Variants in BPIFA2 observed in about 807,000 individuals in gnomAD.
BPIFA2 encodes BPI fold-containing family A member 2.
In BPIFA2, 20 loss-of-function variants were observed where a neutral mutation model predicts 25.7. The observed-to-expected ratio is 0.78, with a 90% CI of 0.55 to 1.13. The LOEUF is 1.13. BPIFA2 is among the 50% of genes most tolerant of loss of function. BPIFA2 has a pLI of 0.00. For missense variants in BPIFA2, 300 were observed against 298.1 expected, an observed-to-expected ratio of 1.01 and a Z score of -0.05; for synonymous variants, 126 against 124.3, an observed-to-expected ratio of 1.01 and a Z score of -0.09.
chr20:33,174,861 T>C (rs1984020727), intron 4 of BPIFA2, among the ~76,000 whole-genome samples: 1 of 152,138 alleles, frequency 6.6e-6, no homozygotes, highest in South Asian at 2.1e-4. Context: ...CAGTGAGCCG[T>C]GATTGCACCA....
intron 5 of BPIFA2, among the ~76,000 whole-genome samples, chr20:33,176,873 G>A (rs944275873): frequency 5.3e-5 from 8 of 152,100 alleles, no homozygotes; most frequent in African/African-American, 1.9e-4. Context: ...ACCTTTGCCT[G>A]GGGTGCTCTG....
In BPIFA2 at chr20:33,178,168, G is replaced by C; in HGVS notation, c.585G>C (p.Lys195Asn). ...LLDKHSQIIN[K>N]FVNSVINTLK... Reference sequence around the variant, plus strand: ...CCAGACACAGCCAAATCATCAACAAGTTCGTGAATAGCGTGATCAACACGC... The same window carrying C: ...CCAGACACAGCCAAATCATCAACAACTTCGTGAATAGCGTGATCAACACGC... Residue 195 changes from lysine to asparagine, a missense_variant, in exon 6 of 9, where the codon AAG (lysine) becomes AAC (asparagine). Lys to Asn is a moderately conservative substitution (Grantham distance 94). Coordinates refer to ENST00000354932, the MANE Select transcript of BPIFA2 (RefSeq NM_080574.4). 1 of 1,606,800 alleles carries C rather than the reference G, an allele frequency of 6.2e-7. No individual in the cohort carries two copies. The highest frequency in any genetic ancestry group is 2.2e-5 in the East Asian group (1 of 44,678).
At chr20:33,175,590 C>T (rs1363053080) in intron 5 of BPIFA2, 31 bp downstream of exon 5, 2 of 1,607,272 alleles carry the variant, frequency 1.2e-6, no homozygotes, top group East Asian at 2.2e-5. Context: ...TAGAGCTGGG[C>T]TCTCAGGGAA....
intron 2 of BPIFA2, among the ~76,000 whole-genome samples, chr20:33,170,422 TA>T (rs1983860599): frequency 1.3e-5 from 2 of 152,230 alleles, no homozygotes; most frequent in Non-Finnish European, 2.9e-5. Context: ...TGACATTTAT[TA>T]TTTTTTGAGA....
chr20:33,178,622 T>A (rs1984165754), intron 6 of BPIFA2, among the ~76,000 whole-genome samples: 2 of 152,182 alleles, frequency 1.3e-5, no homozygotes. Flanking sequence ...ATAAAATAGT[T>A]TTAATTTTTT....
At chr20:33,164,263 G>A (rs192696041), upstream of BPIFA2, among the ~76,000 whole-genome samples, 96 of 152,352 alleles carry the variant, frequency 6.3e-4, no homozygotes, top group Admixed American at 2.0e-3. Flanking sequence ...TAGCAGGGAG[G>A]ATCTGGAAGA....
chr20:33,177,050 C>A (rs1402355061), intron 5 of BPIFA2, among the ~76,000 whole-genome samples: 3 of 152,126 alleles, frequency 2.0e-5, no homozygotes, highest in African/African-American at 7.2e-5. Context: ...TTCTTTCATT[C>A]TTTCAGCCAA....
At position 33,177,759 on chromosome 20, in the gene BPIFA2, A is replaced by T. The variant is rs551593265; in HGVS notation, c.564-388A>T. 2.2e-4 allele frequency among the ~76,000 whole-genome samples: 34 copies of T among 152,194 alleles called. No homozygotes were observed. In the East Asian group the frequency reaches 6.0e-3, roughly 27 times the overall value. Reference sequence around the variant, plus strand: ...GGTGGGAGGAGCCAACTTTGGCAAGATTTGTTTAGGTACCACATCAGGGTA... The same window carrying T: ...GGTGGGAGGAGCCAACTTTGGCAAGTTTTGTTTAGGTACCACATCAGGGTA... On this transcript the variant is annotated intron_variant, in intron 5 of 8. Coordinates refer to ENST00000354932, the MANE Select transcript of BPIFA2 (RefSeq NM_080574.4).
At chr20:33,169,878 T>C (rs1475168838) in intron 2 of BPIFA2, among the ~76,000 whole-genome samples, 1 of 152,250 alleles carries the variant, frequency 6.6e-6, no homozygotes, top group African/African-American at 2.4e-5. Flanking sequence ...AAATTATCCC[T>C]ACCTAGCCTT....
At chr20:33,166,019 T>C (rs1391520486), upstream of BPIFA2, among the ~76,000 whole-genome samples, 1 of 152,050 alleles carries the variant, frequency 6.6e-6, no homozygotes, top group East Asian at 1.9e-4. Flanking sequence ...TTTATTTTAT[T>C]TTTGTTTGTT....
upstream of BPIFA2, among the ~76,000 whole-genome samples, chr20:33,167,901 G>A (rs1215734374): frequency 1.3e-5 from 2 of 152,330 alleles, no homozygotes; most frequent in Non-Finnish European, 1.5e-5. Flanking sequence ...CAAGGACCAA[G>A]GACCACCCCC....
chr20:33,167,090 C>A (rs1455701971), upstream of BPIFA2, among the ~76,000 whole-genome samples: 1 of 152,238 alleles, frequency 6.6e-6, no homozygotes, highest in Non-Finnish European at 1.5e-5. Context: ...AACAGTGGAG[C>A]CATGGTCAGT....
intron 2 of BPIFA2, among the ~76,000 whole-genome samples, chr20:33,169,674 C>T (rs972896562): frequency 6.6e-6 from 1 of 152,188 alleles, no homozygotes; most frequent in African/African-American, 2.4e-5. Context: ...TTCTGCCTGT[C>T]TCACAGATGA....
chr20:33,179,495 T>C (rs982280497), intron 6 of BPIFA2, 109 bp from the exon 7 acceptor site: 6 of 865,104 alleles, frequency 6.9e-6, no homozygotes, highest in Non-Finnish European at 1.2e-5. Flanking sequence ...CTAAGATCCC[T>C]AGAAATGAGC....
upstream of BPIFA2, among the ~76,000 whole-genome samples, chr20:33,167,358 G>A (rs1441418397): frequency 3.3e-5 from 5 of 152,276 alleles, no homozygotes; most frequent in East Asian, 7.7e-4. Context: ...AACATCAGTG[G>A]CCGAAGCAAA....
rs9679768 is a variant in BPIFA2, at chr20:33,179,544, A to C, written c.646-60A>C. The C allele has an allele frequency of 1.0e-3, 1,440 of 1,425,754 alleles. 16 individuals are homozygous for C. The African/African-American group carries it at 0.019, about 18-fold the overall frequency. The allele number at this position is 1,425,754 out of a possible 1,614,324, so 88.3% of individuals were successfully genotyped here. On this transcript the variant is annotated intron_variant, in intron 6 of 8. Coordinates refer to ENST00000354932, the MANE Select transcript of BPIFA2 (RefSeq NM_080574.4). ...GCAAGCAATTTGTTCTCAGCTGAGA[A>C]GAATGATCTGTTCTTCCTCCTACTC...
intron 4 of BPIFA2, among the ~76,000 whole-genome samples, chr20:33,174,939 G>A (rs890390975): frequency 7.9e-5 from 12 of 152,168 alleles, no homozygotes; most frequent in African/African-American, 2.9e-4. Context: ...TAATTTTAAA[G>A]GAGATAGACA....
intron 2 of BPIFA2, among the ~76,000 whole-genome samples, chr20:33,171,824 G>A (rs1044528684): frequency 2.6e-5 from 4 of 152,216 alleles, no homozygotes; most frequent in African/African-American, 9.6e-5. Flanking sequence ...GAGGAAGACA[G>A]TGTGGTGATT....
chr20:33,170,256 G>C (rs1263181029), intron 2 of BPIFA2, among the ~76,000 whole-genome samples: 1 of 152,198 alleles, frequency 6.6e-6, no homozygotes, highest in Non-Finnish European at 1.5e-5. Context: ...GTCCATTACA[G>C]AGCCAAGTTA....
Sources: allele counts gnomAD v4.1 joint callset (sites outside exome capture counted in the v4.1 genomes callset), GRCh38; gene constraint gnomAD v4.1.1; transcripts MANE v1.5; gene names NCBI Gene and HGNC (gene_info 2026-07-23, HGNC 2026-07-21).